TPRG1: variants seen among roughly 807,000 people sequenced by gnomAD.
The protein encoded by TPRG1 is tumor protein p63-regulated gene 1 protein.
TPRG1 carries 29 observed loss-of-function variants against 29.3 expected under a neutral mutation model. That is an observed-to-expected ratio of 0.99 (90% CI 0.74 to 1.35). TPRG1 has a LOEUF of 1.35. TPRG1 is among the 40% of genes most tolerant of loss of function. The probability of loss-of-function intolerance (pLI) is 0.00; values close to 1 mark genes in which losing one functional copy is unlikely to be tolerated. For synonymous variants in TPRG1, 130 were observed against 116.8 expected (o/e 1.11, Z -0.73); for missense variants, 327 against 335.0 (o/e 0.98, Z 0.19).
intron 3 of TPRG1, among the ~76,000 whole-genome samples, chr3:189,018,329 G>A (rs1361102443): frequency 6.7e-6 from 1 of 150,272 alleles, no homozygotes; most frequent in Non-Finnish European, 1.5e-5. Flanking sequence ...GAATGGTAAT[G>A]CCTAGGTTTT....
At chr3:189,089,385 T>C (rs1206775283) in intron 4 of TPRG1, among the ~76,000 whole-genome samples, 1 of 152,252 alleles carries the variant, frequency 6.6e-6, no homozygotes, top group Non-Finnish European at 1.5e-5. Context: ...TTTGTCTAGA[T>C]TTTCAAATTT....
intron 4 of TPRG1, among the ~76,000 whole-genome samples, chr3:189,298,750 A>G (rs1720350340): frequency 1.3e-5 from 2 of 152,244 alleles, no homozygotes; most frequent in Admixed American, 1.3e-4. Context: ...TTGCTTTGTC[A>G]TATAACTTAC....
chr3:189,152,545 C>A (rs1253454029), intron 5 of TPRG1, among the ~76,000 whole-genome samples: 1 of 152,022 alleles, frequency 6.6e-6, no homozygotes, highest in Non-Finnish European at 1.5e-5. Context: ...AGGATTGGTA[C>A]CCACCATTAT....
intron 1 of TPRG1, among the ~76,000 whole-genome samples, chr3:189,124,067 T>C (rs537649674): frequency 2.0e-5 from 3 of 152,320 alleles, no homozygotes; most frequent in South Asian, 4.1e-4. Flanking sequence ...TTTCAGGTAA[T>C]ATTTTAAGAA....
At chr3:189,187,571 C>G (rs1172108402) in intron 1 of TPRG1, among the ~76,000 whole-genome samples, 1 of 152,158 alleles carries the variant, frequency 6.6e-6, no homozygotes, top group East Asian at 1.9e-4. Context: ...CCTGCCTCGG[C>G]CTCCCAAAGT....
intron 4 of TPRG1, among the ~76,000 whole-genome samples, chr3:189,059,420 G>A (rs1430803512): frequency 6.6e-6 from 1 of 151,792 alleles, no homozygotes; most frequent in Non-Finnish European, 1.5e-5. Flanking sequence ...GTGAAACCCC[G>A]TCTCTACTAA....
chr3:189,024,286 A>C (rs1033122082), intron 4 of TPRG1, among the ~76,000 whole-genome samples: 4 of 151,818 alleles, frequency 2.6e-5, no homozygotes, highest in Non-Finnish European at 5.9e-5. Flanking sequence ...ACACCTCAAC[A>C]AAACAGGCCA....
At chr3:189,256,421 C>A (rs1355996188) in intron 4 of TPRG1, among the ~76,000 whole-genome samples, 1 of 152,080 alleles carries the variant, frequency 6.6e-6, no homozygotes, top group African/African-American at 2.4e-5. Context: ...TGTTGTTTTT[C>A]CAGCTATGTG....
At chr3:189,155,894 G>A (rs1260907324) in intron 5 of TPRG1, among the ~76,000 whole-genome samples, 6 of 152,156 alleles carry the variant, frequency 3.9e-5, no homozygotes, top group Admixed American at 6.5e-5. Flanking sequence ...GGATGAATAA[G>A]TTTGGAGATC....
chr3:189,153,062 A>G (rs1219412599), intron 5 of TPRG1, among the ~76,000 whole-genome samples: 1 of 152,236 alleles, frequency 6.6e-6, no homozygotes, highest in Non-Finnish European at 1.5e-5. Context: ...AATAAATGGG[A>G]AAAACTTTTG....
intron 4 of TPRG1, among the ~76,000 whole-genome samples, chr3:189,085,328 A>G (rs911972249): frequency 3.6e-4 from 55 of 152,222 alleles, no homozygotes; most frequent in Non-Finnish European, 7.3e-5. Flanking sequence ...CACATCTCAT[A>G]GTATTTGCAA....
intron 1 of TPRG1, among the ~76,000 whole-genome samples, chr3:188,998,969 G>C (rs2152121120): frequency 6.6e-6 from 1 of 152,300 alleles, no homozygotes; most frequent in East Asian, 1.9e-4. Flanking sequence ...GGAATATTTG[G>C]AATGCTCCCA....
At chr3:189,229,884 A>G (rs1738361713) in intron 3 of TPRG1, among the ~76,000 whole-genome samples, 1 of 152,184 alleles carries the variant, frequency 6.6e-6, no homozygotes, top group Non-Finnish European at 1.5e-5. Flanking sequence ...AACATACTAC[A>G]GTAGGCAGAT....
chr3:189,018,206 T>G (rs1713063293), intron 3 of TPRG1, among the ~76,000 whole-genome samples: 1 of 148,000 alleles, frequency 6.8e-6, no homozygotes, highest in Non-Finnish European at 1.5e-5. Flanking sequence ...TGGTAGTTTC[T>G]TTTGCTGTGC....
intron 4 of TPRG1, among the ~76,000 whole-genome samples, chr3:189,293,007 G>A (rs2109214406): frequency 6.6e-6 from 1 of 152,214 alleles, no homozygotes; most frequent in East Asian, 1.9e-4. Context: ...GCCCTTGTTT[G>A]GATCACTCTG....
chr3:189,304,716 G>C (rs915380008), intron 4 of TPRG1, among the ~76,000 whole-genome samples: 2 of 152,172 alleles, frequency 1.3e-5, no homozygotes, highest in Admixed American at 6.5e-5. Context: ...CCTCCAGGGT[G>C]CCAACTCTGT....
intron 2 of TPRG1, among the ~76,000 whole-genome samples, chr3:189,214,519 T>C (rs936862537): frequency 9.9e-5 from 15 of 152,156 alleles, no homozygotes; most frequent in African/African-American, 3.4e-4. Context: ...GTGACTGACG[T>C]TGGCACAACC....
intron 3 of TPRG1, among the ~76,000 whole-genome samples, chr3:189,144,366 T>C (rs7630693): frequency 0.33 from 49,593 of 152,078 alleles, 8,393 homozygotes; most frequent in Admixed American, 0.44. Context: ...TTTAGGAATA[T>C]TTAGCCAAAT....
At chr3:189,292,759 C>A (rs1719229364) in intron 4 of TPRG1, among the ~76,000 whole-genome samples, 1 of 152,180 alleles carries the variant, frequency 6.6e-6, no homozygotes, top group Admixed American at 6.5e-5. Context: ...AATCTCAGTT[C>A]TTTCCCACAC....
Sources: gnomAD v4.1 joint callset for allele counts (sites outside exome capture counted in the v4.1 genomes callset) on GRCh38, gnomAD v4.1.1 for gene constraint, MANE v1.5 for transcripts, NCBI Gene and HGNC (gene_info 2026-07-23, HGNC 2026-07-21) for gene names.